ZMAT4: variants seen among roughly 807,000 people sequenced by gnomAD.
ZMAT4 encodes the protein zinc finger matrin-type protein 4.
A neutral mutation model predicts 28.7 loss-of-function variants in ZMAT4; 17 were observed. The ratio of observed to expected loss-of-function variants is 0.59; its 90% confidence interval spans 0.41 to 0.89. The LOEUF is 0.89. Ranked by LOEUF, ZMAT4 falls within the 40% of genes least tolerant of loss-of-function variation. The pLI, the probability that ZMAT4 is intolerant of heterozygous loss-of-function variation, is 0.00. For missense variants in ZMAT4, 240 were observed against 283.8 expected, an observed-to-expected ratio of 0.85 and a Z score of 1.11; for synonymous variants, 117 against 109.2, an observed-to-expected ratio of 1.07 and a Z score of -0.44.
intron 3 of ZMAT4, among the ~76,000 whole-genome samples, chr8:40,730,314 C>G (rs553403945): frequency 1.3e-5 from 2 of 152,114 alleles, no homozygotes; most frequent in Non-Finnish European, 2.9e-5. Flanking sequence ...CTAATGATTT[C>G]ACATATATGA....
intron 1 of ZMAT4, among the ~76,000 whole-genome samples, chr8:40,869,001 T>C (rs1043809205): frequency 6.6e-6 from 1 of 152,180 alleles, no homozygotes; most frequent in Non-Finnish European, 1.5e-5. Flanking sequence ...TGGGCTGCAT[T>C]TTCTCTACCT....
At chr8:40,618,388 G>A (rs1806087733) in intron 5 of ZMAT4, among the ~76,000 whole-genome samples, 1 of 152,044 alleles carries the variant, frequency 6.6e-6, no homozygotes, top group Admixed American at 6.5e-5. Flanking sequence ...CAGAGGGGCT[G>A]GGGAAACAGT....
chr8:40,753,204 A>T (rs1812530939), intron 3 of ZMAT4, among the ~76,000 whole-genome samples: 1 of 152,074 alleles, frequency 6.6e-6, no homozygotes, highest in South Asian at 2.1e-4. Context: ...TTCCAGCTTC[A>T]TCCATTTCCC....
chr8:40,667,142 T>A (rs1563398669), intron 5 of ZMAT4, among the ~76,000 whole-genome samples: 1 of 151,932 alleles, frequency 6.6e-6, no homozygotes, highest in Non-Finnish European at 1.5e-5. Context: ...ATTTCTTTTT[T>A]TTTTATTTTT....
chr8:40,571,046 T>C (rs2565110), intron 6 of ZMAT4, among the ~76,000 whole-genome samples: 149,368 of 152,206 alleles, frequency 0.98, 73,365 homozygotes, highest in Middle Eastern at 1. Flanking sequence ...CTCGGAACCA[T>C]TCTGGAGGCA....
intron 1 of ZMAT4, among the ~76,000 whole-genome samples, chr8:40,862,840 G>T (rs530126329): frequency 6.6e-6 from 1 of 151,588 alleles, no homozygotes; most frequent in Non-Finnish European, 1.5e-5. Flanking sequence ...GGGAGGGGGA[G>T]GGCTAGCATT....
At chr8:40,677,295 A>ATT (rs11311291) in intron 4 of ZMAT4, among the ~76,000 whole-genome samples, 41 of 144,234 alleles carry the variant, frequency 2.8e-4, no homozygotes, top group African/African-American at 1.0e-3. Context: ...AGTTTAAAGG[A>ATT]TTTTTTTTTT....
chr8:40,595,926 A>C (rs1321742502), intron 5 of ZMAT4, among the ~76,000 whole-genome samples: 1 of 152,050 alleles, frequency 6.6e-6, no homozygotes, highest in Non-Finnish European at 1.5e-5. Flanking sequence ...TCTACTAAAA[A>C]TACAAAAATT....
intron 6 of ZMAT4, among the ~76,000 whole-genome samples, chr8:40,571,095 G>A (rs953548586): frequency 1.3e-5 from 2 of 152,124 alleles, no homozygotes; most frequent in Non-Finnish European, 1.5e-5. Flanking sequence ...ACAAAATAAT[G>A]ATTATAGGTC....
At chr8:40,536,330 G>A (rs1297503494) in intron 6 of ZMAT4, among the ~76,000 whole-genome samples, 2 of 152,070 alleles carry the variant, frequency 1.3e-5, no homozygotes, top group African/African-American at 4.8e-5. Flanking sequence ...CCTGCCCCAT[G>A]TCCTACTCCT....
intron 5 of ZMAT4, among the ~76,000 whole-genome samples, chr8:40,656,975 A>G (rs2118840673): frequency 6.6e-6 from 1 of 152,312 alleles, no homozygotes; most frequent in South Asian, 2.1e-4. Context: ...AGTGAAATGT[A>G]TACTTCAAAA....
intron 2 of ZMAT4, among the ~76,000 whole-genome samples, chr8:40,818,157 G>A (rs1310072345): frequency 6.6e-5 from 10 of 152,128 alleles, no homozygotes; most frequent in South Asian, 2.1e-4. Context: ...TGTCTACTTC[G>A]TTATAGCCTC....
Position 40,728,020 on chromosome 8 carries a change from A to T in ZMAT4, c.193-30619T>A, listed in dbSNP as rs537630379. On this transcript the variant is annotated intron_variant, in intron 3 of 6. Coordinates refer to ENST00000297737, the MANE Select transcript of ZMAT4 (RefSeq NM_024645.3). ...ATGGGATTAGTGCTAGGAAATAAAG[A>T]TAGAAAAATATTAAAGACAAGGGGA... Among the ~76,000 whole-genome samples, 4 of 152,342 alleles carry T rather than the reference A, an allele frequency of 2.6e-5. No homozygotes were observed. In the South Asian group the frequency reaches 6.2e-4, roughly 24 times the overall value.
At chr8:40,644,463 T>C (rs1453428837) in intron 5 of ZMAT4, among the ~76,000 whole-genome samples, 1 of 151,590 alleles carries the variant, frequency 6.6e-6, no homozygotes, top group African/African-American at 2.4e-5. Context: ...ACAAAAAGAG[T>C]TCCCAATAGC....
chr8:40,685,619 G>A (rs1459380057), intron 4 of ZMAT4, among the ~76,000 whole-genome samples: 1 of 151,868 alleles, frequency 6.6e-6, no homozygotes, highest in Non-Finnish European at 1.5e-5. Context: ...TTTTTTTTAG[G>A]ACAAGTGTAT....
At position 40,581,158 on chromosome 8, in the gene ZMAT4, T is replaced by C; in HGVS notation, c.674+7A>G. 1 of 1,611,240 alleles carries C rather than the reference T, an allele frequency of 6.2e-7. No homozygotes were observed. Among genetic ancestry groups the C allele is most frequent in the Non-Finnish European group, 8.5e-7 (1 of 1,177,922 alleles). ...AAACTGAAGAGTGAAAGCACAAAAG[T>C]ACCTACTTGGTCTGGTGTTTAGATC... is the stretch of plus-strand genomic sequence containing the variant. On this transcript the variant is annotated splice_region_variant and intron_variant, in intron 6 of 6. Coordinates refer to ENST00000297737, the MANE Select transcript of ZMAT4 (RefSeq NM_024645.3).
chr8:40,701,725 C>T (rs1056138821), intron 3 of ZMAT4, among the ~76,000 whole-genome samples: 1 of 151,634 alleles, frequency 6.6e-6, no homozygotes, highest in East Asian at 1.9e-4. Flanking sequence ...ACCATGTTGG[C>T]CAAGCTAGTC....
At chr8:40,571,452 C>T (rs2118508871) in intron 6 of ZMAT4, among the ~76,000 whole-genome samples, 1 of 152,250 alleles carries the variant, frequency 6.6e-6, no homozygotes, top group Middle Eastern at 3.4e-3. Context: ...CTTCTGAGGC[C>T]TTCCTCATAG....
chr8:40,870,308 G>A (rs1220490098), intron 1 of ZMAT4, among the ~76,000 whole-genome samples: 1 of 152,118 alleles, frequency 6.6e-6, no homozygotes, highest in Non-Finnish European at 1.5e-5. Flanking sequence ...CTGTAGCCCA[G>A]GACTCTGTAT....
Sources: allele counts gnomAD v4.1 joint callset (sites outside exome capture counted in the v4.1 genomes callset), GRCh38; gene constraint gnomAD v4.1.1; transcripts MANE v1.5; gene names NCBI Gene and HGNC (gene_info 2026-07-23, HGNC 2026-07-21).